Variants in CSMD2 observed in about 807,000 individuals in gnomAD.
The protein encoded by CSMD2 is CUB and sushi domain-containing protein 2.
A neutral mutation model predicts 398.5 loss-of-function variants in CSMD2; 130 were observed. The ratio of observed to expected loss-of-function variants is 0.33; its 90% CI spans 0.28 to 0.38. The LOEUF is 0.38. Ranked by LOEUF, CSMD2 falls within the 10% of genes least tolerant of loss-of-function variation. The pLI, the probability that CSMD2 is intolerant of heterozygous loss-of-function variation, is 1.00. For synonymous variants in CSMD2, 1,828 were observed against 1,908.5 expected (o/e 0.96, Z 1.10); for missense variants, 3,829 against 4,764.9 (o/e 0.80, Z 5.78).
chr1:34,016,795 G>C (rs1396264882), intron 3 of CSMD2, among the ~76,000 whole-genome samples: 1 of 143,278 alleles, frequency 7.0e-6, no homozygotes, highest in South Asian at 2.7e-4. Context: ...GATATAGATA[G>C]ATAGATAGAC....
chr1:34,098,303 A>G (rs1172189925), intron 1 of CSMD2, among the ~76,000 whole-genome samples: 1 of 139,236 alleles, frequency 7.2e-6, no homozygotes, highest in Non-Finnish European at 1.6e-5. Context: ...TGGGAGATAT[A>G]CCTAATGCTA....
rs397860875 is a variant in CSMD2, at chr1:33,554,185, C to CTTT, written c.8743+3546_8743+3548dup. ...AGATTTTAAAGGTAGAAAAAACAGC[C>CTTT]TTTTTTTTTTTTTTTTTTTTTTTTG... On this transcript the variant is annotated intron_variant, in intron 55 of 70. Coordinates refer to ENST00000373381, the MANE Select transcript of CSMD2 (RefSeq NM_001281956.2). Among the ~76,000 whole-genome samples, 473 of 74,390 alleles carry CTTT rather than the reference C, an allele frequency of 6.4e-3. 9 individuals carry two copies. Among genetic ancestry groups the CTTT allele is most frequent in the African/African-American group, 0.02 (364 of 18,584 alleles). 48.8% of individuals were successfully genotyped at this position (74,390 alleles called of 152,430 possible).
At chr1:33,965,316 T>C (rs1645519233) in intron 3 of CSMD2, among the ~76,000 whole-genome samples, 1 of 152,138 alleles carries the variant, frequency 6.6e-6, no homozygotes, top group Non-Finnish European at 1.5e-5. Context: ...ATCATTCTTG[T>C]CATTCCTAGC....
chr1:33,872,973 T>A (rs1456190182), intron 5 of CSMD2, among the ~76,000 whole-genome samples: 2 of 152,234 alleles, frequency 1.3e-5, no homozygotes, highest in African/African-American at 4.8e-5. Context: ...CCTTTGTTCC[T>A]CACATTTTCC....
At chr1:33,942,790 C>T (rs894992496) in intron 3 of CSMD2, among the ~76,000 whole-genome samples, 6 of 152,232 alleles carry the variant, frequency 3.9e-5, no homozygotes, top group Non-Finnish European at 7.3e-5. Context: ...GCTTTAACTG[C>T]TCAATCTCCA....
In CSMD2 at chr1:33,743,429, T is replaced by C. The variant is rs1647151826; in HGVS notation, c.2024A>G (p.Lys675Arg). The change falls in exon 14 of 71, where the codon AAG becomes AGG. Residue 675 changes from lysine to arginine, a missense_variant. By Grantham distance (26) the Lys-to-Arg change is conservative. Around this residue, in one of 5 missense-constraint regions of CSMD2, gnomAD observed 2,001 missense variants for 2,567.1 expected, o/e 0.78. Transcript: ENST00000373381. ...VEPQFDFLVI[K>R]DGATAEAPVL... ...GGGCGCCTCGGCGGTGGCCCCATCC[T>C]TGATGACCAGGAAATCAAACTGAGG... is the stretch of plus-strand genomic sequence containing the variant. The C allele has an allele frequency of 1.2e-6, 2 of 1,614,108 alleles. No individual in the cohort carries two copies. Among genetic ancestry groups the C allele is most frequent in the African/African-American group, 2.7e-5 (2 of 74,930 alleles).
chr1:33,544,965 T>C (rs1430826654), intron 57 of CSMD2, among the ~76,000 whole-genome samples: 1 of 152,078 alleles, frequency 6.6e-6, no homozygotes, highest in Non-Finnish European at 1.5e-5. Context: ...GTCTGCTCTG[T>C]GCCCACAACT....
chr1:33,642,509 G>T (rs1484766859), intron 29 of CSMD2, among the ~76,000 whole-genome samples: 36 of 152,182 alleles, frequency 2.4e-4, no homozygotes, highest in Admixed American at 2.2e-3. Flanking sequence ...GAAGGAGGCA[G>T]GGAGGAGAGA....
intron 2 of CSMD2, among the ~76,000 whole-genome samples, chr1:34,055,516 C>T (rs1653732249): frequency 6.6e-6 from 1 of 152,196 alleles, no homozygotes; most frequent in Non-Finnish European, 1.5e-5. Flanking sequence ...GACCCCCTCC[C>T]CCAGATTTGA....
At chr1:33,688,914 A>G (rs937421038) in intron 25 of CSMD2, among the ~76,000 whole-genome samples, 2 of 152,080 alleles carry the variant, frequency 1.3e-5, no homozygotes, top group African/African-American at 2.4e-5. Flanking sequence ...CTCAAACACA[A>G]AGGGGCTTTT....
At chr1:33,977,444 C>A (rs1646008367) in intron 3 of CSMD2, among the ~76,000 whole-genome samples, 1 of 152,052 alleles carries the variant, frequency 6.6e-6, no homozygotes, top group South Asian at 2.1e-4. Flanking sequence ...AGACACCCTC[C>A]CTATTACCCA....
chr1:33,779,113 C>T (rs1016345198), intron 12 of CSMD2, among the ~76,000 whole-genome samples: 9 of 152,180 alleles, frequency 5.9e-5, no homozygotes, highest in South Asian at 2.1e-4. Context: ...TTACCATCCC[C>T]TGCTCATTGA....
intron 10 of CSMD2, among the ~76,000 whole-genome samples, chr1:33,792,833 C>A (rs1654483783): frequency 6.6e-6 from 1 of 152,196 alleles, no homozygotes; most frequent in South Asian, 2.1e-4. Context: ...TTTCTTCACG[C>A]CTTAATGCAC....
chr1:33,534,251 T>C (rs1655549657), intron 62 of CSMD2, among the ~76,000 whole-genome samples: 1 of 152,226 alleles, frequency 6.6e-6, no homozygotes, highest in African/African-American at 2.4e-5. Context: ...TTCCTAAGGA[T>C]ACAGTGGGGA....
chr1:33,938,633 CCTGCTGTTGGCTT>C (rs1644562197), intron 3 of CSMD2, among the ~76,000 whole-genome samples: 1 of 150,614 alleles, frequency 6.6e-6, no homozygotes, highest in African/African-American at 2.5e-5. Context: ...CCCATGATCC[CCTGCTGTTGGCTT>C]ACTTGGTACT....
At chr1:33,936,035 C>CCCGAGTGG in intron 3 of CSMD2, 81 bp from the exon 4 acceptor site, 2 of 1,217,888 alleles carry the variant, frequency 1.6e-6, no homozygotes, top group Non-Finnish European at 2.3e-6. Flanking sequence ...AGTAGCAACT[C>CCCGAGTGG]CCTAGGCCAC....
rs550926015 is a variant in CSMD2, at chr1:33,534,673, G to A, written c.9880-766C>T. The stretch of plus-strand genomic sequence containing the variant: ...ACTTATGTGTCCCTATTACCTACTG[G>A]AGCATGTGCAAATGCAATGTGTAAC... On this transcript the variant is annotated intron_variant, in intron 62 of 70. Transcript: ENST00000373381. 2.6e-5 allele frequency among the ~76,000 whole-genome samples: 4 copies of A among 152,270 alleles called. No homozygotes were observed. The South Asian group carries it at 8.3e-4, about 32-fold the overall frequency.
At position 33,516,079 on chromosome 1, in the gene CSMD2, A is replaced by G. The variant is rs1197710821; in HGVS notation, c.*545T>C. ...GACCGGGTTTCTGCACTCTGACCGCATGATGGGATGTGTCCTACTGTTACA... is the reference window on the plus strand; with the variant it reads ...GACCGGGTTTCTGCACTCTGACCGCGTGATGGGATGTGTCCTACTGTTACA... On this transcript the variant is annotated 3_prime_UTR_variant, in exon 71 of 71. Transcript: ENST00000373381. The G allele has an allele frequency of 1.3e-5, 2 of 152,178 alleles. No homozygotes were observed. The highest frequency in any genetic ancestry group is 2.9e-5 in the Non-Finnish European group (2 of 68,050). 9.4% of individuals were successfully genotyped at this position (152,178 alleles called of 1,614,324 possible).
intron 1 of CSMD2, among the ~76,000 whole-genome samples, chr1:34,096,248 A>T (rs1659285505): frequency 6.6e-6 from 1 of 152,002 alleles, no homozygotes; most frequent in South Asian, 2.1e-4. Flanking sequence ...TTAGGTATTG[A>T]TGGGACATAT....
Sources: gnomAD v4.1 joint callset for allele counts (sites outside exome capture counted in the v4.1 genomes callset) on GRCh38, gnomAD v4.1.1 for gene constraint, gnomAD v4.1.1 regional missense constraint, MANE v1.5 for transcripts, NCBI Gene and HGNC (gene_info 2026-07-23, HGNC 2026-07-21) for gene names.